PRTFDC1: variants seen among roughly 807,000 people sequenced by gnomAD.
PRTFDC1 encodes the protein phosphoribosyl transferase domain containing 1, also known as phosphoribosyltransferase domain-containing protein 1.
PRTFDC1 carries 38 observed loss-of-function variants against 34.6 expected under a neutral mutation model. The observed-to-expected ratio is 1.10, with a 90% CI of 0.85 to 1.44. The LOEUF (loss-of-function observed/expected upper bound fraction) is 1.44. Among genes scored for constraint, PRTFDC1 ranks in the 40% most tolerant of loss-of-function variants. The probability of loss-of-function intolerance (pLI) is 0.00; values close to 1 mark genes in which losing one functional copy is unlikely to be tolerated. For synonymous variants in PRTFDC1, 93 were observed against 98.1 expected (o/e 0.95, Z 0.31); for missense variants, 270 against 283.0 (o/e 0.95, Z 0.33).
intron 3 of PRTFDC1, among the ~76,000 whole-genome samples, chr10:24,889,935 G>A (rs11014285): frequency 0.11 from 16,669 of 152,208 alleles, 1,193 homozygotes; most frequent in Non-Finnish European, 0.16. Flanking sequence ...GTGGTCTTGG[G>A]CAAATTCTGT....
At chr10:24,906,428 A>C (rs1848536454) in intron 3 of PRTFDC1, among the ~76,000 whole-genome samples, 1 of 151,970 alleles carries the variant, frequency 6.6e-6, no homozygotes, top group African/African-American at 2.4e-5. Flanking sequence ...AATAGTAAGA[A>C]TTACAAAAAC....
intron 3 of PRTFDC1, among the ~76,000 whole-genome samples, chr10:24,934,031 T>C (rs948769645): frequency 1.3e-5 from 2 of 152,068 alleles, no homozygotes; most frequent in African/African-American, 4.8e-5. Flanking sequence ...TGACCTCCCA[T>C]CTTGCCCCTA....
intron 3 of PRTFDC1, among the ~76,000 whole-genome samples, chr10:24,882,066 G>T (rs1848087586): frequency 6.6e-6 from 1 of 151,930 alleles, no homozygotes; most frequent in South Asian, 2.1e-4. Flanking sequence ...AATTAGCCAG[G>T]TGTGGTGGCA....
chr10:24,909,126 CAA>C (rs1229818877), intron 3 of PRTFDC1, among the ~76,000 whole-genome samples: 2 of 152,052 alleles, frequency 1.3e-5, no homozygotes, highest in Non-Finnish European at 2.9e-5. Context: ...AACAAAAAGC[CAA>C]AAAACACCCA....
intron 3 of PRTFDC1, among the ~76,000 whole-genome samples, chr10:24,873,370 G>C (rs1030619744): frequency 2.6e-5 from 4 of 152,264 alleles, no homozygotes; most frequent in South Asian, 4.2e-4. Flanking sequence ...AACCAAAGCC[G>C]ATACATTCCG....
rs985711682 is a variant in PRTFDC1 at position 24,922,851 on chromosome 10, C to G, written c.339+14333G>C. Among the ~76,000 whole-genome samples, 3 of 152,164 alleles carry G rather than the reference C, an allele frequency of 2.0e-5. No individual in the cohort carries two copies. The East Asian group carries it at 5.8e-4, about 29-fold the overall frequency. On this transcript the variant is annotated intron_variant, in intron 3 of 8. Transcript: ENST00000320152. ...CGAAGTGGGGTGGGGCATTGCCTCA[C>G]CTGGAAGCACAAGGAGTTGGGTGAT...
Position 24,952,585 on chromosome 10 carries a change from G to C in PRTFDC1, c.-10C>G, listed in dbSNP as rs781724598. On this transcript the variant is annotated 5_prime_UTR_variant, in exon 1 of 9. Transcript: ENST00000320152. This position sits in a 1 kb window ranked among gnomAD's most constrained non-coding sequence, Gnocchi z 5.1. ...CGCTGCTCCCGGCCATGTTTCTCCC[G>C]GGGAACGCGGGAAGGGAAGACGGCG... 1 of 1,582,774 alleles carries C rather than the reference G, an allele frequency of 6.3e-7. No individual in the cohort carries two copies. The highest frequency in any genetic ancestry group is 8.6e-7 in the Non-Finnish European group (1 of 1,164,652).
intron 7 of PRTFDC1, 86 bp from the exon 8 acceptor site, chr10:24,851,550 C>A (rs527298586): frequency 1.0e-5 from 16 of 1,544,860 alleles, no homozygotes; most frequent in Non-Finnish European, 1.2e-5. Context: ...TGTCGCCACT[C>A]AAACTTGAGG....
chr10:24,906,949 G>T (rs943593361), intron 3 of PRTFDC1, among the ~76,000 whole-genome samples: 10 of 152,164 alleles, frequency 6.6e-5, no homozygotes, highest in African/African-American at 2.4e-4. Flanking sequence ...TGGAATATAG[G>T]CATATCATTA....
chr10:24,868,962 C>T (rs1847832458), intron 4 of PRTFDC1, among the ~76,000 whole-genome samples: 1 of 152,148 alleles, frequency 6.6e-6, no homozygotes, highest in Admixed American at 6.6e-5. Context: ...TTGTTACATG[C>T]ATGGAATGCG....
At chr10:24,924,861 C>T (rs559027153) in intron 3 of PRTFDC1, among the ~76,000 whole-genome samples, 1 of 152,290 alleles carries the variant, frequency 6.6e-6, no homozygotes, top group South Asian at 2.1e-4. Context: ...AACACTTTTA[C>T]ATTGTTGGTG....
At position 24,870,280 on chromosome 10, in the gene PRTFDC1, G is replaced by A. The variant is rs369643431; in HGVS notation, c.405+1718C>T. On this transcript the variant is annotated intron_variant, in intron 4 of 8. Transcript: ENST00000320152. Reference sequence around the variant, plus strand: ...GCACCACCATGCCTGGCTAATTTTCGTATTTTTAGTAGAGACAGGGTTTTG... The same window carrying A: ...GCACCACCATGCCTGGCTAATTTTCATATTTTTAGTAGAGACAGGGTTTTG... Among the ~76,000 whole-genome samples the A allele has an allele frequency of 2.7e-3, 415 of 152,128 alleles. 3 individuals carry two copies. The highest frequency in any genetic ancestry group is 2.1e-3 in the East Asian group (11 of 5,176).
intron 3 of PRTFDC1, among the ~76,000 whole-genome samples, chr10:24,906,594 C>T (rs976502913): frequency 2.6e-5 from 4 of 151,978 alleles, no homozygotes; most frequent in South Asian, 2.1e-4. Context: ...GAAAAATGGA[C>T]AGAATGTAGA....
chr10:24,851,285 G>A, intron 8 of PRTFDC1, 103 bp downstream of exon 8: 1 of 1,467,176 alleles, frequency 6.8e-7, no homozygotes, highest in Non-Finnish European at 9.0e-7. Context: ...TGACATAGAA[G>A]ATACTCAATC....
intron 3 of PRTFDC1, among the ~76,000 whole-genome samples, chr10:24,884,857 T>C (rs1848138637): frequency 6.6e-6 from 1 of 152,092 alleles, no homozygotes; most frequent in Non-Finnish European, 1.5e-5. Context: ...AGCCCCTGGC[T>C]CAGAAGGTAT....
At chr10:24,899,232 A>G (rs1848414700) in intron 3 of PRTFDC1, among the ~76,000 whole-genome samples, 1 of 152,156 alleles carries the variant, frequency 6.6e-6, no homozygotes, top group Non-Finnish European at 1.5e-5. Flanking sequence ...GGAACCAGGG[A>G]GCCACCCCCC....
intron 3 of PRTFDC1, among the ~76,000 whole-genome samples, chr10:24,900,378 G>T (rs190391419): frequency 6.6e-6 from 1 of 152,348 alleles, no homozygotes; most frequent in African/African-American, 2.4e-5. Flanking sequence ...AAACTAACAA[G>T]CCAGGAACTC....
intron 4 of PRTFDC1, among the ~76,000 whole-genome samples, chr10:24,864,395 G>C (rs1206790192): frequency 6.6e-6 from 1 of 152,168 alleles, no homozygotes; most frequent in African/African-American, 2.4e-5. Flanking sequence ...GAAAGGAAGA[G>C]TCAATCTAAG....
intron 3 of PRTFDC1, among the ~76,000 whole-genome samples, chr10:24,917,033 C>G (rs61854304): frequency 6.6e-6 from 1 of 152,204 alleles, no homozygotes; most frequent in African/African-American, 2.4e-5. Flanking sequence ...CTGTCCCCTT[C>G]CCCTTTGCCA....
Sources: gnomAD v4.1 joint callset for allele counts (sites outside exome capture counted in the v4.1 genomes callset) on GRCh38, gnomAD v4.1.1 for gene constraint, Gnocchi (gnomAD v3.1) non-coding constraint, MANE v1.5 for transcripts, NCBI Gene and HGNC (gene_info 2026-07-23, HGNC 2026-07-21) for gene names.